Variants in SLC24A2 observed in about 807,000 individuals in gnomAD.
SLC24A2 encodes sodium/potassium/calcium exchanger 2.
A neutral mutation model predicts 62.0 loss-of-function variants in SLC24A2; 36 were observed. That is an observed-to-expected ratio of 0.58 (90% CI 0.44 to 0.77). The LOEUF is 0.77. SLC24A2 is among the 30% of genes least tolerant of loss of function. SLC24A2 has a pLI of 0.00. For synonymous variants in SLC24A2, 358 were observed against 294.0 expected (o/e 1.22, Z -2.23); for missense variants, 846 against 817.9 (o/e 1.03, Z -0.42).
the SLC24A2 span, among the ~76,000 whole-genome samples, chr9:20,212,736 T>A: frequency 7.2e-5 from 11 of 151,788 alleles, no homozygotes; most frequent in Non-Finnish European, 1.5e-4. Context: ...AGCCTATGTA[T>A]AATATTTTTG....
chr9:19,662,783 C>T (rs1013802870), intron 2 of SLC24A2, among the ~76,000 whole-genome samples: 1 of 152,116 alleles, frequency 6.6e-6, no homozygotes, highest in East Asian at 1.9e-4. Context: ...TGATTTAATG[C>T]CCATTTTCTG....
the SLC24A2 span, among the ~76,000 whole-genome samples, chr9:19,908,060 C>T: frequency 6.6e-5 from 10 of 152,324 alleles, no homozygotes; most frequent in Non-Finnish European, 1.3e-4. Flanking sequence ...AAGCTGGAGG[C>T]ATCACGTTAC....
chr9:20,185,537 C>T, the SLC24A2 span, among the ~76,000 whole-genome samples: 80 of 151,568 alleles, frequency 5.3e-4, no homozygotes, highest in African/African-American at 1.8e-3. Flanking sequence ...TGGTTGTGGG[C>T]GCCTGTAGTC....
chr9:19,873,328 C>G, the SLC24A2 span, among the ~76,000 whole-genome samples: 1 of 149,052 alleles, frequency 6.7e-6, no homozygotes, highest in East Asian at 2.0e-4. Flanking sequence ...CCTTCTCTTT[C>G]TTTCTTCTTT....
At chr9:20,138,726 T>C in the SLC24A2 span, among the ~76,000 whole-genome samples, 1 of 152,192 alleles carries the variant, frequency 6.6e-6, no homozygotes, top group Non-Finnish European at 1.5e-5. Context: ...ATTTATAAAA[T>C]ACCTTTTTCA....
chr9:19,848,662 A>T, the SLC24A2 span, among the ~76,000 whole-genome samples: 1 of 152,184 alleles, frequency 6.6e-6, no homozygotes, highest in Admixed American at 6.5e-5. Flanking sequence ...ATAATTTAAA[A>T]ATTTGCTTCC....
At chr9:20,005,791 G>C in the SLC24A2 span, among the ~76,000 whole-genome samples, 2 of 150,836 alleles carry the variant, frequency 1.3e-5, no homozygotes, top group Non-Finnish European at 2.9e-5. Flanking sequence ...AGGTGCTAAA[G>C]AGAGCATGTA....
the SLC24A2 span, among the ~76,000 whole-genome samples, chr9:20,096,226 A>G: frequency 1.3e-5 from 2 of 152,220 alleles, no homozygotes; most frequent in Non-Finnish European, 2.9e-5. Context: ...CTGTTGTTAT[A>G]GAGTATGCAA....
At chr9:20,057,234 T>C in the SLC24A2 span, among the ~76,000 whole-genome samples, 1 of 152,230 alleles carries the variant, frequency 6.6e-6, no homozygotes, top group Non-Finnish European at 1.5e-5. Flanking sequence ...TTAAAAAAGC[T>C]AAATTTGAGC....
chr9:19,562,272 C>G (rs1277923512), intron 7 of SLC24A2, among the ~76,000 whole-genome samples: 2 of 152,136 alleles, frequency 1.3e-5, no homozygotes, highest in African/African-American at 4.8e-5. Flanking sequence ...ATCTTATCAA[C>G]TGGATTAAAA....
At chr9:19,954,470 C>T in the SLC24A2 span, among the ~76,000 whole-genome samples, 1 of 152,022 alleles carries the variant, frequency 6.6e-6, no homozygotes, top group East Asian at 1.9e-4. Flanking sequence ...TAGACATAAA[C>T]ATAGGCTATC....
At chr9:20,112,907 C>A in the SLC24A2 span, among the ~76,000 whole-genome samples, 1 of 152,004 alleles carries the variant, frequency 6.6e-6, no homozygotes, top group Non-Finnish European at 1.5e-5. Context: ...TCTCCCATCT[C>A]TGAACGTCAG....
chr9:20,177,983 T>C, the SLC24A2 span, among the ~76,000 whole-genome samples: 1 of 152,098 alleles, frequency 6.6e-6, no homozygotes, highest in Admixed American at 6.6e-5. Flanking sequence ...CACTATACAA[T>C]AATACCTTAA....
chr9:20,258,966 G>C, the SLC24A2 span, among the ~76,000 whole-genome samples: 1 of 152,094 alleles, frequency 6.6e-6, no homozygotes, highest in Non-Finnish European at 1.5e-5. Context: ...GAGAAGGGGA[G>C]AGTATGCTGG....
chr9:19,907,815 C>G, the SLC24A2 span, among the ~76,000 whole-genome samples: 1 of 152,136 alleles, frequency 6.6e-6, no homozygotes, highest in Non-Finnish European at 1.5e-5. Context: ...CTACAAACCA[C>G]TGCTCAATGA....
At position 19,514,032 on chromosome 9, in the gene SLC24A2, G is replaced by T. The variant is rs896284877; in HGVS notation, c.*2121C>A. Reference sequence around the variant, plus strand: ...CCACATCTGAAGACCCCAATCTGCCGAGTTGGAGAGACTTGAAAGCCAGCC... The same window carrying T: ...CCACATCTGAAGACCCCAATCTGCCTAGTTGGAGAGACTTGAAAGCCAGCC... On this transcript the variant is annotated 3_prime_UTR_variant, in exon 11 of 11. Transcript: ENST00000341998. 1 of 152,212 alleles carries T rather than the reference G, an allele frequency of 6.6e-6. No individual in the cohort carries two copies. The highest frequency in any genetic ancestry group is 1.5e-5 in the Non-Finnish European group (1 of 68,046). 9.4% of individuals were successfully genotyped at this position (152,212 alleles called of 1,614,324 possible).
chr9:20,291,888 A>T, the SLC24A2 span, among the ~76,000 whole-genome samples: 1 of 152,094 alleles, frequency 6.6e-6, no homozygotes, highest in Non-Finnish European at 1.5e-5. Flanking sequence ...AGGACTGGAG[A>T]GGAACAAGGC....
the SLC24A2 span, among the ~76,000 whole-genome samples, chr9:19,974,515 G>A: frequency 1.3e-5 from 2 of 152,214 alleles, no homozygotes; most frequent in Middle Eastern, 6.8e-3. Flanking sequence ...TCTTTCCTGA[G>A]CAAAGCATAA....
chr9:19,994,081 G>C, the SLC24A2 span, among the ~76,000 whole-genome samples: 4 of 152,328 alleles, frequency 2.6e-5, no homozygotes, highest in East Asian at 7.7e-4. Context: ...GCTGGGATTA[G>C]AATGGTGATC....
Sources: allele counts gnomAD v4.1 joint callset (sites outside exome capture counted in the v4.1 genomes callset), GRCh38; gene constraint gnomAD v4.1.1; transcripts MANE v1.5; gene names NCBI Gene and HGNC (gene_info 2026-07-23, HGNC 2026-07-21).